The following GRIA1 variants were observed in gnomAD, a reference collection of about 807,000 sequenced individuals.
The protein encoded by GRIA1 is glutamate ionotropic receptor AMPA type subunit 1.
Under a neutral mutation model 99.2 loss-of-function variants are expected in GRIA1, and 31 were observed. The ratio of observed to expected loss-of-function variants is 0.31; its 90% CI spans 0.23 to 0.42. GRIA1 has a LOEUF of 0.42. Ranked by LOEUF, GRIA1 falls within the 10% of genes least tolerant of loss-of-function variation. GRIA1 has a pLI of 1.00. For missense variants in GRIA1, 782 were observed against 1,157.5 expected (o/e 0.68, Z 4.71); for synonymous variants, 438 against 432.4 (o/e 1.01, Z -0.16).
intron 2 of GRIA1, among the ~76,000 whole-genome samples, chr5:153,621,330 G>T (rs989662780): frequency 1.1e-4 from 16 of 152,114 alleles, no homozygotes; most frequent in Admixed American, 1.0e-3. Context: ...GGACAGGCAT[G>T]GTGGTACACA....
At chr5:153,523,511 A>AT (rs33960409) in intron 2 of GRIA1, among the ~76,000 whole-genome samples, 62,743 of 149,918 alleles carry the variant, frequency 0.42, 14,153 homozygotes, top group Non-Finnish European at 0.52. Flanking sequence ...TGCTTTGAAC[A>AT]TTTTTTTTTT....
rs986822110 is a variant in GRIA1 at position 153,811,317 on chromosome 5, C to T, written c.*92C>T. ...TGCCAAAAACAACAACAAAATGAAA[C>T]GCAACCACCACCAACCACTGCGACC... is the stretch of plus-strand genomic sequence containing the variant. On this transcript the variant is annotated 3_prime_UTR_variant, in exon 16 of 16. Coordinates refer to ENST00000285900, the MANE Select transcript of GRIA1 (RefSeq NM_000827.4). The T allele has an allele frequency of 1.2e-6, 1 of 837,674 alleles. No homozygotes were observed. The highest frequency in any genetic ancestry group is 2.1e-5 in the Admixed American group (1 of 47,412). The allele number at this position is 837,674 out of a possible 1,614,324, so 51.9% of individuals were successfully genotyped here.
At chr5:153,759,417 A>G (rs1467858000) in intron 11 of GRIA1, among the ~76,000 whole-genome samples, 1 of 151,902 alleles carries the variant, frequency 6.6e-6, no homozygotes, top group Non-Finnish European at 1.5e-5. Context: ...ATCATAAGAG[A>G]CTGTTGTGAT....
At chr5:153,697,000 TA>T (rs1476200554) in intron 8 of GRIA1, among the ~76,000 whole-genome samples, 1 of 152,214 alleles carries the variant, frequency 6.6e-6, no homozygotes, top group Non-Finnish European at 1.5e-5. Flanking sequence ...CCCAGATACC[TA>T]CTGCCCTTTT....
chr5:153,523,337 C>T (rs1757317476), intron 2 of GRIA1, among the ~76,000 whole-genome samples: 1 of 152,112 alleles, frequency 6.6e-6, no homozygotes, highest in African/African-American at 2.4e-5. Flanking sequence ...TCTCAAATGC[C>T]TCTTGCCTTT....
chr5:153,736,788 G>GA (rs1428196462), intron 11 of GRIA1, among the ~76,000 whole-genome samples: 5 of 152,120 alleles, frequency 3.3e-5, no homozygotes, highest in Non-Finnish European at 7.4e-5. Context: ...GGATTGCCCT[G>GA]AAAAAAATAT....
chr5:153,785,397 A>G (rs1185508448), intron 13 of GRIA1, among the ~76,000 whole-genome samples: 1 of 152,208 alleles, frequency 6.6e-6, no homozygotes, highest in East Asian at 1.9e-4. Context: ...CAAACTGCAG[A>G]TATCATGTAT....
At chr5:153,489,664 T>C (rs2113158098), upstream of GRIA1, 2 of 349,542 alleles carry the variant, frequency 5.7e-6, no homozygotes, top group Non-Finnish European at 1.1e-5. Context: ...CATTTAACAC[T>C]ACTATCCTGA....
chr5:153,702,956 G>A (rs915318677), intron 10 of GRIA1, among the ~76,000 whole-genome samples: 16 of 152,150 alleles, frequency 1.1e-4, no homozygotes, highest in South Asian at 6.2e-4. Flanking sequence ...TTCTTTTGAG[G>A]CTACACAATC....
chr5:153,810,757 T>C (rs1433474674), intron 15 of GRIA1, among the ~76,000 whole-genome samples: 1 of 152,182 alleles, frequency 6.6e-6, no homozygotes, highest in Non-Finnish European at 1.5e-5. Context: ...AATCACAGAA[T>C]GTAAGAATAA....
intron 2 of GRIA1, among the ~76,000 whole-genome samples, chr5:153,549,637 T>C (rs1189738952): frequency 6.6e-6 from 1 of 152,180 alleles, no homozygotes; most frequent in African/African-American, 2.4e-5. Flanking sequence ...GACTGTGGTA[T>C]TTTCTGGGAA....
chr5:153,526,314 A>G (rs970484366), intron 2 of GRIA1, among the ~76,000 whole-genome samples: 1 of 152,204 alleles, frequency 6.6e-6, no homozygotes, highest in African/African-American at 2.4e-5. Context: ...TTGAAGAAGT[A>G]TATTTATAAC....
At chr5:153,637,498 C>T (rs559307741) in intron 2 of GRIA1, among the ~76,000 whole-genome samples, 171 of 152,276 alleles carry the variant, frequency 1.1e-3, no homozygotes, top group South Asian at 3.1e-3. Context: ...CGGAAAGATC[C>T]TCTTCTCATA....
At chr5:153,573,223 C>T (rs1165912231) in intron 2 of GRIA1, 4 of 152,118 alleles carry the variant, frequency 2.6e-5, no homozygotes, top group Non-Finnish European at 5.9e-5. Context: ...CTGGTACTGG[C>T]TTTTATATTT....
intron 2 of GRIA1, among the ~76,000 whole-genome samples, chr5:153,550,322 G>C (rs1359188435): frequency 6.6e-6 from 1 of 152,010 alleles, no homozygotes; most frequent in Non-Finnish European, 1.5e-5. Flanking sequence ...TGTCATGAAG[G>C]CTCTCCAGGG....
intron 2 of GRIA1, among the ~76,000 whole-genome samples, chr5:153,631,910 G>A (rs1257220389): frequency 1.3e-5 from 2 of 152,162 alleles, no homozygotes; most frequent in African/African-American, 2.4e-5. Context: ...TTTGGGCAGT[G>A]AGAACCGCAT....
In GRIA1 at chr5:153,493,995, A is replaced by G. The variant is rs1450978833; in HGVS notation, c.150A>G (p.Thr50=). ...AAFRFALSQL[T]EPPKLLPQID... ...TTAGATTTGCTTTGTCGCAACTCAC[A>G]GAGCCCCCGAAGCTGCTCCCCCAGA... The change falls in exon 2 of 16, where the codon ACA becomes ACG. Residue 50 remains threonine, a synonymous_variant. Transcript: ENST00000285900. The G allele has an allele frequency of 6.2e-7, 1 of 1,614,086 alleles. No individual in the cohort carries two copies. The highest frequency in any genetic ancestry group is 2.2e-5 in the East Asian group (1 of 44,858).
intron 5 of GRIA1, among the ~76,000 whole-genome samples, chr5:153,665,840 T>A (rs1755705294): frequency 6.6e-6 from 1 of 152,164 alleles, no homozygotes; most frequent in Non-Finnish European, 1.5e-5. Context: ...TAGGACCACA[T>A]CTTTCTGCCT....
chr5:153,697,319 G>A (rs761463791), intron 8 of GRIA1, among the ~76,000 whole-genome samples: 5 of 152,164 alleles, frequency 3.3e-5, no homozygotes, highest in African/African-American at 7.2e-5. Flanking sequence ...TTTGCATCTC[G>A]TCAACCCTGC....
Sources: allele counts gnomAD v4.1 joint callset (sites outside exome capture counted in the v4.1 genomes callset), GRCh38; gene constraint gnomAD v4.1.1; transcripts MANE v1.5; gene names NCBI Gene and HGNC (gene_info 2026-07-23, HGNC 2026-07-21).